POLQ: variants seen among roughly 807,000 people sequenced by gnomAD.
POLQ encodes the protein DNA polymerase theta.
Under a neutral mutation model 259.2 loss-of-function variants are expected in POLQ, and 233 were observed. The observed-to-expected ratio is 0.90, with a 90% CI of 0.81 to 1.00. The LOEUF is 1.00. Ranked by LOEUF, POLQ falls within the 50% of genes least tolerant of loss-of-function variation. The probability of loss-of-function intolerance (pLI) is 0.00; values close to 1 mark genes in which losing one functional copy is unlikely to be tolerated. For synonymous variants in POLQ, 1,025 were observed against 1,048.8 expected (o/e 0.98, Z 0.44); for missense variants, 2,871 against 3,051.6 (o/e 0.94, Z 1.39).
chr3:121,451,378 T>G (rs2108778838), intron 25 of POLQ, among the ~76,000 whole-genome samples: 1 of 152,358 alleles, frequency 6.6e-6, no homozygotes, highest in Non-Finnish European at 1.5e-5. Flanking sequence ...TTTTTAGATT[T>G]TTCAGCTTTT....
At chr3:121,495,827 A>T (rs2048115330) in intron 14 of POLQ, among the ~76,000 whole-genome samples, 2 of 136,306 alleles carry the variant, frequency 1.5e-5, no homozygotes, top group African/African-American at 2.8e-5. Flanking sequence ...CCAGCCTGGG[A>T]GACAGAGCAA....
At chr3:121,485,589 G>T (rs1388653293) in intron 16 of POLQ, among the ~76,000 whole-genome samples, 1 of 152,086 alleles carries the variant, frequency 6.6e-6, no homozygotes, top group Non-Finnish European at 1.5e-5. Flanking sequence ...TTTGTATCTA[G>T]AGTCAATGTT....
In POLQ at chr3:121,510,187, G is replaced by T; in HGVS notation, c.1668C>A (p.Cys556Ter). ...TSQDMHTYAA[C>*]TFLAASMKEG... ...CTTTCATACTTGCAGCCAAAAATGT[G>T]CAGGCAGCATAAGTATGCATATCTT... Residue 556 changes from cysteine (C) to a stop codon, truncating the protein, a stop_gained, in exon 11 of 30, where the codon TGC becomes TGA. Transcript: ENST00000264233. LOFTEE classifies it high-confidence loss of function. The T allele has an allele frequency of 6.2e-7, 1 of 1,613,676 alleles. No homozygotes were observed. Among genetic ancestry groups the T allele is most frequent in the South Asian group, 1.1e-5 (1 of 91,066 alleles).
At chr3:121,505,905 C>T (rs1225559697) in intron 12 of POLQ, among the ~76,000 whole-genome samples, 1 of 151,158 alleles carries the variant, frequency 6.6e-6, no homozygotes, top group African/African-American at 2.4e-5. Context: ...GTCTGTAATC[C>T]CAGCTACTCA....
intron 15 of POLQ, among the ~76,000 whole-genome samples, chr3:121,491,345 A>AC (rs1170227619): frequency 2.5e-4 from 17 of 66,810 alleles, no homozygotes; most frequent in African/African-American, 7.1e-4. Context: ...CGAGACTGTC[A>AC]CAAAAAAAAA....
intron 9 of POLQ, among the ~76,000 whole-genome samples, chr3:121,512,505 C>T (rs560020314): frequency 1.1e-4 from 17 of 152,196 alleles, no homozygotes; most frequent in Non-Finnish European, 2.4e-4. Flanking sequence ...CCCCTAGAAG[C>T]CCAGATACCT....
Position 121,483,586 on chromosome 3 carries a change from T to TAAAAAAAAAAAAAAAA in POLQ, c.5774-20_5774-5dup. 1 of 1,277,416 alleles carries TAAAAAAAAAAAAAAAA rather than the reference T, an allele frequency of 7.8e-7. No homozygotes were observed. The allele number at this position is 1,277,416 out of a possible 1,614,324, so 79.1% of individuals were successfully genotyped here. On this transcript the variant is annotated splice_region_variant and splice_polypyrimidine_tract_variant and intron_variant, in intron 17 of 29. Transcript: ENST00000264233. ...GGAACCAAACTGGCACTAATTTCTTTAAAAAAAAAAAAAAAAAGGAAAAAA... is the reference window on the plus strand; with the variant it reads ...GGAACCAAACTGGCACTAATTTCTTTAAAAAAAAAAAAAAAAAAAAAAAAAAAAAAAAAGGAAAAAA...
chr3:121,470,018 T>G (rs2047870569), intron 22 of POLQ, among the ~76,000 whole-genome samples: 1 of 152,184 alleles, frequency 6.6e-6, no homozygotes. Flanking sequence ...TTGAAAATTC[T>G]AGGTTGCTGG....
chr3:121,535,715 C>CAAAA (rs34317903), intron 5 of POLQ, among the ~76,000 whole-genome samples: 10 of 107,380 alleles, frequency 9.3e-5, no homozygotes, highest in East Asian at 2.5e-4. Context: ...AACTCCATCT[C>CAAAA]AAAAAAAAAA....
At chr3:121,465,385 C>G (rs1227175396) in intron 24 of POLQ, among the ~76,000 whole-genome samples, 1 of 152,272 alleles carries the variant, frequency 6.6e-6, no homozygotes, top group Admixed American at 6.5e-5. Context: ...AGCCACCATG[C>G]CTTGTGAGAA....
chr3:121,501,657 G>A (rs2048169691), intron 12 of POLQ, among the ~76,000 whole-genome samples: 2 of 63,110 alleles, frequency 3.2e-5, no homozygotes, highest in African/African-American at 6.9e-5. Flanking sequence ...GCGAGACTCC[G>A]TCTCAAAAAA....
At chr3:121,510,450 G>T (rs976746595) in intron 10 of POLQ, among the ~76,000 whole-genome samples, 1 of 151,908 alleles carries the variant, frequency 6.6e-6, no homozygotes, top group African/African-American at 2.4e-5. Flanking sequence ...GGTGGCAGGC[G>T]CCTGTAGTCC....
intron 20 of POLQ, among the ~76,000 whole-genome samples, chr3:121,475,242 G>A (rs1466629150): frequency 6.6e-6 from 1 of 152,098 alleles, no homozygotes; most frequent in Non-Finnish European, 1.5e-5. Context: ...GGTAACAGCT[G>A]TTCCACTTTC....
intron 20 of POLQ, among the ~76,000 whole-genome samples, chr3:121,474,865 C>T (rs1379862518): frequency 6.6e-6 from 1 of 152,090 alleles, no homozygotes. Context: ...AAATTGTTAT[C>T]CATTGTTTAC....
intron 6 of POLQ, among the ~76,000 whole-genome samples, chr3:121,530,821 G>A (rs111950789): frequency 2.7e-4 from 41 of 152,170 alleles, no homozygotes; most frequent in South Asian, 4.2e-4. Context: ...ATGGAGCTGC[G>A]AACAAAGCAG....
In POLQ at chr3:121,511,936, C is replaced by G. The variant is rs1242093895; in HGVS notation, c.1562G>C (p.Arg521Thr). The change falls in exon 10 of 30, where the codon AGA becomes ACA. Residue 521 changes from arginine to threonine, a missense_variant. This residue lies in a region of POLQ where 783 missense variants were observed against 906.2 expected (regional missense o/e 0.86). Coordinates refer to ENST00000264233, the MANE Select transcript of POLQ (RefSeq NM_199420.4). ...SLKPVRSCLQ[R>T]REGEEVTGSM... ...GCCAGTTACTTCTTCTCCTTCTCGTCTTTGCAGACAGCTGCGAACAGGCTT... is the reference window on the plus strand; with the variant it reads ...GCCAGTTACTTCTTCTCCTTCTCGTGTTTGCAGACAGCTGCGAACAGGCTT... 6.2e-6 allele frequency: 10 copies of G among 1,614,090 alleles called. No individual in the cohort carries two copies. The highest frequency in any genetic ancestry group is 7.6e-6 in the Non-Finnish European group (9 of 1,179,916).
At chr3:121,484,972 T>C in intron 17 of POLQ, 69 bp downstream of exon 17, 1 of 1,159,542 alleles carries the variant, frequency 8.6e-7, no homozygotes. Flanking sequence ...ATTCTCAAAA[T>C]ATAAGATCAC....
At chr3:121,524,190 A>G (rs777700960) in intron 7 of POLQ, among the ~76,000 whole-genome samples, 15 of 152,178 alleles carry the variant, frequency 9.9e-5, no homozygotes, top group Non-Finnish European at 1.8e-4. Context: ...TGGCCATGGT[A>G]AAATGTAAGG....
intron 5 of POLQ, among the ~76,000 whole-genome samples, chr3:121,534,541 C>T (rs965571100): frequency 3.6e-4 from 55 of 152,230 alleles, no homozygotes; most frequent in African/African-American, 1.3e-3. Flanking sequence ...GCAGGCTCAT[C>T]TAGAACTGGC....
Sources: allele counts gnomAD v4.1 joint callset (sites outside exome capture counted in the v4.1 genomes callset), GRCh38; gene constraint gnomAD v4.1.1; regional missense constraint gnomAD v4.1.1; transcripts MANE v1.5; gene names NCBI Gene and HGNC (gene_info 2026-07-23, HGNC 2026-07-21).